The following PCDHA5 variants were observed in gnomAD, a reference collection of about 807,000 sequenced individuals.
The protein encoded by PCDHA5 is protocadherin alpha 5.
PCDHA5 carries 43 observed loss-of-function variants against 61.6 expected under a neutral mutation model. The ratio of observed to expected loss-of-function variants is 0.70; its 90% CI spans 0.55 to 0.90. The LOEUF is 0.90. PCDHA5 is among the 40% of genes least tolerant of loss of function. The pLI is 0.00. For synonymous variants in PCDHA5, 627 were observed against 543.9 expected, an observed-to-expected ratio of 1.15 and a Z score of -2.13; for missense variants, 1,298 against 1,222.7, an observed-to-expected ratio of 1.06 and a Z score of -0.92.
chr5:140,850,169 G>C (rs2150470473), intron 1 of PCDHA5: 7 of 1,594,740 alleles, frequency 4.4e-6, no homozygotes, highest in Non-Finnish European at 6.0e-6. Context: ...TGCTGGACGA[G>C]AACGACAATG....
At chr5:140,966,666 C>T (rs2153748360) in intron 1 of PCDHA5, 7 of 1,259,308 alleles carry the variant, frequency 5.6e-6, no homozygotes, top group Non-Finnish European at 7.2e-6. Context: ...GGGGAGCAGG[C>T]GCAGGGTGGC....
At chr5:140,936,311 T>C (rs1451314089) in intron 1 of PCDHA5, among the ~76,000 whole-genome samples, 1 of 152,228 alleles carries the variant, frequency 6.6e-6, no homozygotes, top group African/African-American at 2.4e-5. Flanking sequence ...AATAGAACTT[T>C]CTGACATGCT....
chr5:140,858,839 C>G (rs1306924023), intron 1 of PCDHA5: 1 of 317,040 alleles, frequency 3.2e-6, no homozygotes, highest in Non-Finnish European at 5.9e-6. Context: ...CCAAAAAATT[C>G]CACTGATCTA....
At chr5:140,875,780 G>C in intron 1 of PCDHA5, 3 of 1,614,128 alleles carry the variant, frequency 1.9e-6, no homozygotes, top group Admixed American at 3.3e-5. Flanking sequence ...GCGGAGTGCA[G>C]TATCCACCTG....
In PCDHA5 at chr5:140,984,045, T is replaced by C. The variant is rs77384794; in HGVS notation, c.2500+1482T>C. Among the ~76,000 whole-genome samples, 455 of 152,316 alleles carry C rather than the reference T, an allele frequency of 3.0e-3. 7 individuals carry two copies. In the East Asian group the frequency reaches 0.044, roughly 15 times the overall value. On this transcript the variant is annotated intron_variant, in intron 3 of 3. Transcript: ENST00000529859. ...AAGGGGAAAAACATAAAATAGTTCA[T>C]TGACAAATCTGTACCCTCAGTGCCA... is the stretch of plus-strand genomic sequence containing the variant.
chr5:140,935,286 C>T (rs1283279527), intron 1 of PCDHA5, among the ~76,000 whole-genome samples: 1 of 152,150 alleles, frequency 6.6e-6, no homozygotes, highest in Non-Finnish European at 1.5e-5. Context: ...TAAAGTTCAG[C>T]ACTCCGAGGT....
intron 1 of PCDHA5, chr5:140,969,419 T>C: frequency 6.4e-7 from 1 of 1,563,564 alleles, no homozygotes; most frequent in Non-Finnish European, 8.7e-7. Flanking sequence ...ATTGAGTCAT[T>C]AACAGTGACA....
At chr5:140,953,932 C>T (rs1005245846) in intron 1 of PCDHA5, among the ~76,000 whole-genome samples, 1 of 152,060 alleles carries the variant, frequency 6.6e-6, no homozygotes, top group Admixed American at 6.6e-5. Flanking sequence ...CTGATGCTCT[C>T]CCTCCCATTG....
At chr5:140,928,453 T>C in intron 1 of PCDHA5, 1 of 1,613,888 alleles carries the variant, frequency 6.2e-7, no homozygotes, top group Non-Finnish European at 8.5e-7. Context: ...GCTCAGGGGG[T>C]TTCATTTCCA....
At chr5:140,841,880 G>C (rs1777553890) in intron 1 of PCDHA5, 18 of 1,613,708 alleles carry the variant, frequency 1.1e-5, no homozygotes, top group Non-Finnish European at 1.4e-5. Flanking sequence ...TTCAAAGAAC[G>C]ATGAGAATAA....
chr5:140,941,548 C>CTCG (rs1175641247), intron 1 of PCDHA5, among the ~76,000 whole-genome samples: 1 of 151,868 alleles, frequency 6.6e-6, no homozygotes, highest in Non-Finnish European at 1.5e-5. Context: ...AACTCCTGAC[C>CTCG]TCGTGATCCA....
At chr5:140,960,841 T>C (rs1554225062) in intron 1 of PCDHA5, among the ~76,000 whole-genome samples, 1 of 152,222 alleles carries the variant, frequency 6.6e-6, no homozygotes, top group African/African-American at 2.4e-5. Context: ...GGAACAGGTT[T>C]AATGGCAACT....
At chr5:140,828,165 A>T (rs2150151660) in intron 1 of PCDHA5, 1 of 1,614,154 alleles carries the variant, frequency 6.2e-7, no homozygotes, top group South Asian at 1.1e-5. Flanking sequence ...GCAGCCTGGA[A>T]GGTGGGGAGC....
chr5:140,966,970 G>C, intron 1 of PCDHA5: 1 of 1,602,870 alleles, frequency 6.2e-7, no homozygotes, highest in Non-Finnish European at 8.5e-7. Flanking sequence ...TGGGGCTTGA[G>C]CTGCGGCGCT....
chr5:140,857,646 A>G lies in PCDHA5; in HGVS notation c.2352+33519A>G, dbSNP rs782060988. 27 of 1,596,264 alleles carry G rather than the reference A, an allele frequency of 1.7e-5. 4 individuals carry two copies. The highest frequency in any genetic ancestry group is 2.2e-5 in the Non-Finnish European group (26 of 1,167,636). Reference sequence around the variant, plus strand: ...GAGGAGCTGGAGCTGCTACAGTTCCAGGTGAGCGCGCGCGATGGGGGCGTG... The same window carrying G: ...GAGGAGCTGGAGCTGCTACAGTTCCGGGTGAGCGCGCGCGATGGGGGCGTG... On this transcript the variant is annotated intron_variant, in intron 1 of 3. Coordinates refer to ENST00000529859, the MANE Select transcript of PCDHA5 (RefSeq NM_018908.3).
chr5:140,888,640 A>G (rs2153424746), intron 1 of PCDHA5, among the ~76,000 whole-genome samples: 1 of 152,282 alleles, frequency 6.6e-6, no homozygotes, highest in East Asian at 1.9e-4. Context: ...TTACAGCAAT[A>G]CTTTCCTGAG....
chr5:140,836,911 T>C (rs1774807793), intron 1 of PCDHA5: 1 of 572,226 alleles, frequency 1.7e-6, no homozygotes, highest in Non-Finnish European at 2.9e-6. Context: ...AATATACACT[T>C]TTGTTTTGGG....
chr5:140,848,547 C>G, intron 1 of PCDHA5: 1 of 1,595,512 alleles, frequency 6.3e-7, no homozygotes, highest in Non-Finnish European at 8.6e-7. Flanking sequence ...ACTGCTCTCG[C>G]TTCTGATCCT....
chr5:140,920,588 G>A lies in PCDHA5; in HGVS notation c.2353-58361G>A, dbSNP rs561082502. 2.0e-5 allele frequency among the ~76,000 whole-genome samples: 3 copies of A among 152,284 alleles called. No individual in the cohort carries two copies. The South Asian group carries it at 6.2e-4, about 32-fold the overall frequency. On this transcript the variant is annotated intron_variant, in intron 1 of 3. Transcript: ENST00000529859. ...AGGCCAGGAGCAGTGGCTCACGCCT[G>A]TAATCCCAGCACTTTGGGAGGCCGA...
Sources: gnomAD v4.1 joint callset for allele counts (sites outside exome capture counted in the v4.1 genomes callset) on GRCh38, gnomAD v4.1.1 for gene constraint, MANE v1.5 for transcripts, NCBI Gene and HGNC (gene_info 2026-07-23, HGNC 2026-07-21) for gene names.